The following SNX24 variants were observed in gnomAD, a reference collection of about 807,000 sequenced individuals.
The protein encoded by SNX24 is sorting nexin-24.
SNX24 carries 22 observed loss-of-function variants against 28.7 expected under a neutral mutation model. That is an observed-to-expected ratio of 0.77 (90% CI 0.55 to 1.10). The LOEUF (loss-of-function observed/expected upper bound fraction) is 1.10. Ranked by LOEUF, SNX24 falls within the 50% of genes least tolerant of loss-of-function variation. SNX24 has a pLI of 0.00. For missense variants in SNX24, 221 were observed against 201.1 expected, an observed-to-expected ratio of 1.10 and a Z score of -0.60; for synonymous variants, 69 against 71.5, an observed-to-expected ratio of 0.96 and a Z score of 0.18.
chr5:122,871,532 C>A (rs543243194), intron 1 of SNX24, among the ~76,000 whole-genome samples: 1 of 152,182 alleles, frequency 6.6e-6, no homozygotes, highest in Admixed American at 6.5e-5. Flanking sequence ...CTTTGGGAGG[C>A]GGAGGTGGGT....
intron 5 of SNX24, 93 bp from the exon 6 acceptor site, chr5:123,001,847 G>C: frequency 9.8e-7 from 1 of 1,023,122 alleles, no homozygotes; most frequent in South Asian, 1.3e-5. Flanking sequence ...AGACGTCCCC[G>C]CACAGCAGTT....
intron 3 of SNX24, among the ~76,000 whole-genome samples, chr5:122,955,209 A>T (rs1225555007): frequency 2.0e-5 from 3 of 151,906 alleles, no homozygotes; most frequent in African/African-American, 2.4e-5. Flanking sequence ...TTTAGTTGTA[A>T]AATTCCCATT....
chr5:122,873,706 G>A (rs887840138), intron 1 of SNX24, among the ~76,000 whole-genome samples: 15 of 151,742 alleles, frequency 9.9e-5, no homozygotes, highest in South Asian at 2.1e-4. Flanking sequence ...CATCACTTTC[G>A]GTAGTTTTCT....
rs951788741 is a variant in SNX24 at position 122,999,050 on chromosome 5, AGAGGGG to A, written c.250-845_250-840del. On this transcript the variant is annotated intron_variant, in intron 3 of 6. Transcript: ENST00000261369. Reference sequence around the variant, plus strand: ...TGCTTTTCTCCTGTGGTCTTTTAGAAGAGGGGGAGGGGGAGGGGGAGGTGGCAAACT... The same window carrying A: ...TGCTTTTCTCCTGTGGTCTTTTAGAAGAGGGGGAGGGGGAGGTGGCAAACT... 6.0e-4 allele frequency among the ~76,000 whole-genome samples: 88 copies of A among 146,800 alleles called. 1 individual carries two copies. The highest frequency in any genetic ancestry group is 3.4e-3 in the South Asian group (15 of 4,432).
intron 3 of SNX24, among the ~76,000 whole-genome samples, chr5:122,976,291 A>AT (rs1291078414): frequency 1.5e-5 from 1 of 65,988 alleles, no homozygotes; most frequent in East Asian, 2.7e-4. Flanking sequence ...TCACTCAGTC[A>AT]TTAAAAAAAA....
intron 1 of SNX24, among the ~76,000 whole-genome samples, chr5:122,888,534 A>T (rs1756815236): frequency 6.6e-6 from 1 of 152,210 alleles, no homozygotes; most frequent in Non-Finnish European, 1.5e-5. Flanking sequence ...CTGGATCATA[A>T]TAAGCACTTC....
chr5:122,891,637 A>G (rs1371498217), intron 1 of SNX24, among the ~76,000 whole-genome samples: 1 of 152,228 alleles, frequency 6.6e-6, no homozygotes, highest in Non-Finnish European at 1.5e-5. Flanking sequence ...CTCCCAAAGA[A>G]GGCCTCTCAT....
downstream of SNX24, among the ~76,000 whole-genome samples, chr5:123,011,986 C>T (rs548915787): frequency 6.6e-6 from 1 of 152,128 alleles, no homozygotes; most frequent in African/African-American, 2.4e-5. Flanking sequence ...CTCATGGGAG[C>T]AGTTACCCCC....
In SNX24 at chr5:122,867,304, G is replaced by A. The variant is rs1416296940; in HGVS notation, c.60+21611G>A. Among the ~76,000 whole-genome samples, 4 of 152,210 alleles carry A rather than the reference G, an allele frequency of 2.6e-5. No homozygotes were observed. The East Asian group carries it at 7.7e-4, about 29-fold the overall frequency. On this transcript the variant is annotated intron_variant, in intron 1 of 6. Transcript: ENST00000261369. ...TCCATGGCAGTGGATACAGTATCCT[G>A]TAAGTCCAGGGATGATAGTTCTGGC...
At chr5:122,934,790 C>T (rs1003494764) in intron 1 of SNX24, among the ~76,000 whole-genome samples, 3 of 152,144 alleles carry the variant, frequency 2.0e-5, no homozygotes, top group Non-Finnish European at 4.4e-5. Context: ...TGTGTTTTTT[C>T]AACTGTAACA....
intron 1 of SNX24, among the ~76,000 whole-genome samples, chr5:122,907,349 T>G (rs980549824): frequency 6.6e-6 from 1 of 152,104 alleles, no homozygotes; most frequent in Non-Finnish European, 1.5e-5. Context: ...TGGGGCCAAG[T>G]TGTGAAGGTA....
intron 3 of SNX24, among the ~76,000 whole-genome samples, chr5:122,964,009 G>C (rs906441786): frequency 1.3e-5 from 2 of 152,084 alleles, no homozygotes; most frequent in African/African-American, 4.8e-5. Context: ...TCGGGAGGCT[G>C]AGGTGGGCAG....
chr5:122,964,328 G>A lies in SNX24; in HGVS notation c.249+18169G>A, dbSNP rs990705065. On this transcript the variant is annotated intron_variant, in intron 3 of 6. Transcript: ENST00000261369. ...TGCCTCACAGGGAACATTTGGCAAC[G>A]TCTAGAGACACTTGTGGTTGTCACA... is the stretch of plus-strand genomic sequence containing the variant. Among the ~76,000 whole-genome samples, 5 of 150,882 alleles carry A rather than the reference G, an allele frequency of 3.3e-5. No homozygotes were observed. The East Asian group carries it at 5.9e-4, about 18-fold the overall frequency.
At chr5:122,937,804 C>T (rs1759241360) in intron 2 of SNX24, among the ~76,000 whole-genome samples, 1 of 152,106 alleles carries the variant, frequency 6.6e-6, no homozygotes, top group East Asian at 1.9e-4. Flanking sequence ...CCAGATGTTG[C>T]CAGTGACTTT....
At chr5:122,849,306 T>A (rs1048920953) in intron 1 of SNX24, among the ~76,000 whole-genome samples, 8 of 152,248 alleles carry the variant, frequency 5.3e-5, no homozygotes, top group African/African-American at 1.9e-4. Flanking sequence ...GATTTAAAGA[T>A]GGAAGGGTGG....
intron 1 of SNX24, among the ~76,000 whole-genome samples, chr5:122,872,762 A>G (rs895629273): frequency 6.6e-6 from 1 of 150,850 alleles, no homozygotes. Context: ...GAATCTGTGG[A>G]TGCAGAACCC....
chr5:122,864,659 G>T (rs1755639619), intron 1 of SNX24, among the ~76,000 whole-genome samples: 1 of 152,194 alleles, frequency 6.6e-6, no homozygotes, highest in African/African-American at 2.4e-5. Flanking sequence ...TCAGTTCCTG[G>T]GTGGGGGCCA....
chr5:122,925,699 C>T (rs1349774158), intron 1 of SNX24, among the ~76,000 whole-genome samples: 1 of 152,170 alleles, frequency 6.6e-6, no homozygotes, highest in African/African-American at 2.4e-5. Context: ...GTTGTTCTAA[C>T]AAAAATAACT....
intron 3 of SNX24, among the ~76,000 whole-genome samples, chr5:122,975,190 T>C (rs1023175526): frequency 6.6e-6 from 1 of 152,230 alleles, no homozygotes; most frequent in African/African-American, 2.4e-5. Context: ...TTGGTCTTAG[T>C]TCTCCACACC....
Sources: gnomAD v4.1 joint callset for allele counts (sites outside exome capture counted in the v4.1 genomes callset) on GRCh38, gnomAD v4.1.1 for gene constraint, MANE v1.5 for transcripts, NCBI Gene and HGNC (gene_info 2026-07-23, HGNC 2026-07-21) for gene names.